The following EDIL3 variants were observed in gnomAD, a reference collection of about 807,000 sequenced individuals.
EDIL3 encodes EGF like and discoidin domains 3, also known as EGF-like repeat and discoidin I-like domain-containing protein 3.
A neutral mutation model predicts 67.4 loss-of-function variants in EDIL3; 37 were observed. That is an observed-to-expected ratio of 0.55 (90% CI 0.42 to 0.72). EDIL3 has a LOEUF of 0.72. EDIL3 is among the 30% of genes least tolerant of loss of function. EDIL3 has a pLI of 0.00. For synonymous variants in EDIL3, 195 were observed against 196.3 expected, an observed-to-expected ratio of 0.99 and a Z score of 0.05; for missense variants, 527 against 586.3, an observed-to-expected ratio of 0.90 and a Z score of 1.04.
intron 3 of EDIL3, among the ~76,000 whole-genome samples, chr5:84,224,151 A>C (rs1744402689): frequency 6.6e-6 from 1 of 151,544 alleles, no homozygotes; most frequent in South Asian, 2.1e-4. Flanking sequence ...CATTTTAACC[A>C]GCGACTTATT....
intron 9 of EDIL3, among the ~76,000 whole-genome samples, chr5:83,964,592 G>A (rs2301069): frequency 0.27 from 40,354 of 151,750 alleles, 5,470 homozygotes; most frequent in East Asian, 0.34. Context: ...ATAGAATAAG[G>A]CCATATTTAG....
intron 3 of EDIL3, among the ~76,000 whole-genome samples, chr5:84,206,321 C>G (rs1474419462): frequency 2.0e-5 from 3 of 151,946 alleles, no homozygotes; most frequent in Admixed American, 6.6e-5. Context: ...CTGAGGAGAG[C>G]TTTACTTCCA....
At chr5:84,202,973 C>T (rs189758105) in intron 3 of EDIL3, among the ~76,000 whole-genome samples, 72 of 152,164 alleles carry the variant, frequency 4.7e-4, no homozygotes, top group Middle Eastern at 3.4e-3. Flanking sequence ...ATAGAGGAAA[C>T]AGGCAAGGAG....
intron 1 of EDIL3, among the ~76,000 whole-genome samples, chr5:84,313,550 A>G (rs1033016329): frequency 6.6e-6 from 1 of 152,096 alleles, no homozygotes; most frequent in African/African-American, 2.4e-5. Context: ...CTGATATTCC[A>G]CTTCTTTTCC....
rs183836433 is a variant in EDIL3 at position 84,207,096 on chromosome 5, G to A, written c.226+22759C>T. ...AAGTGTATTCAATTAGGAAAAGAGG[G>A]AGTCAAATTGTCCCTGTTTGCAGAT... On this transcript the variant is annotated intron_variant, in intron 3 of 10. Coordinates refer to ENST00000296591, the MANE Select transcript of EDIL3 (RefSeq NM_005711.5). 9.2e-5 allele frequency among the ~76,000 whole-genome samples: 14 copies of A among 152,218 alleles called. No homozygotes were observed. The East Asian group carries it at 2.3e-3, about 25-fold the overall frequency.
chr5:84,354,992 T>C (rs1282253719), intron 1 of EDIL3, among the ~76,000 whole-genome samples: 2 of 152,172 alleles, frequency 1.3e-5, no homozygotes, highest in Non-Finnish European at 2.9e-5. Context: ...AGTATCTTTG[T>C]GGTGTTCTCT....
intron 6 of EDIL3, 39 bp downstream of exon 6, chr5:84,106,610 T>C (rs780738223): frequency 1.8e-4 from 266 of 1,509,974 alleles, no homozygotes; most frequent in Non-Finnish European, 2.3e-4. Flanking sequence ...CATTTAAAAA[T>C]GACTTATAAC....
chr5:84,347,335 A>C (rs1288217670), intron 1 of EDIL3, among the ~76,000 whole-genome samples: 1 of 152,240 alleles, frequency 6.6e-6, no homozygotes, highest in Non-Finnish European at 1.5e-5. Flanking sequence ...ATGAAGGAGA[A>C]GACAAAAACT....
intron 4 of EDIL3, among the ~76,000 whole-genome samples, chr5:84,161,319 G>A (rs1748610304): frequency 6.6e-6 from 1 of 151,880 alleles, no homozygotes; most frequent in Non-Finnish European, 1.5e-5. Flanking sequence ...GCTTCAAGAC[G>A]AATGCCTTTT....
intron 9 of EDIL3, among the ~76,000 whole-genome samples, chr5:83,978,436 T>G (rs1744910709): frequency 6.6e-6 from 1 of 151,868 alleles, no homozygotes; most frequent in Admixed American, 6.6e-5. Context: ...ACTCTAAAAG[T>G]CAGCACATTT....
At chr5:84,291,748 A>C (rs116772544) in intron 1 of EDIL3, among the ~76,000 whole-genome samples, 3,235 of 144,890 alleles carry the variant, frequency 0.022, 72 homozygotes, top group African/African-American at 0.053. Flanking sequence ...CTATATAGAT[A>C]TATCTATATA....
chr5:83,977,996 TA>T (rs1486475468), intron 9 of EDIL3, among the ~76,000 whole-genome samples: 2 of 151,826 alleles, frequency 1.3e-5, no homozygotes, highest in Non-Finnish European at 1.5e-5. Flanking sequence ...CCTCTTGTCT[TA>T]AACGCTATAC....
rs148087291 is a variant in EDIL3 at position 84,272,684 on chromosome 5, C to T, written c.68-18472G>A. ...TGGTATAATTCAACACCAGGCTTAC[C>T]GAGCTATCTGATATTCTATGCTAGG... On this transcript the variant is annotated intron_variant, in intron 1 of 10. Coordinates refer to ENST00000296591, the MANE Select transcript of EDIL3 (RefSeq NM_005711.5). Among the ~76,000 whole-genome samples the T allele has an allele frequency of 8.1e-4, 123 of 152,190 alleles. No individual in the cohort carries two copies. In the East Asian group the frequency reaches 0.015, roughly 19 times the overall value.
chr5:84,030,413 G>T (rs1474363472), intron 9 of EDIL3, among the ~76,000 whole-genome samples: 1 of 152,072 alleles, frequency 6.6e-6, no homozygotes, highest in African/African-American at 2.4e-5. Context: ...GTTAAATGGT[G>T]TTCCTTAAGG....
chr5:84,269,512 T>A (rs1170528889), intron 1 of EDIL3, among the ~76,000 whole-genome samples: 1 of 152,174 alleles, frequency 6.6e-6, no homozygotes, highest in Non-Finnish European at 1.5e-5. Flanking sequence ...GTTGGTGGCA[T>A]TGCAGCTGGG....
intron 9 of EDIL3, among the ~76,000 whole-genome samples, chr5:84,018,104 A>C (rs1745641984): frequency 6.6e-6 from 1 of 152,198 alleles, no homozygotes; most frequent in Non-Finnish European, 1.5e-5. Flanking sequence ...AAGTCTGGCT[A>C]CACAAATCTG....
At chr5:84,036,896 T>C (rs1746031604) in intron 9 of EDIL3, among the ~76,000 whole-genome samples, 1 of 152,196 alleles carries the variant, frequency 6.6e-6, no homozygotes, top group South Asian at 2.1e-4. Context: ...TCAGCTCCTC[T>C]GAGTGAGCTC....
chr5:84,106,761 T>C lies in EDIL3; in HGVS notation c.539A>G (p.His180Arg), dbSNP rs1304766951. 1 of 1,613,450 alleles carries C rather than the reference T, an allele frequency of 6.2e-7. No individual in the cohort carries two copies. The highest frequency in any genetic ancestry group is 8.5e-7 in the Non-Finnish European group (1 of 1,179,624). Residue 180 changes from histidine (H) to arginine (R), a missense_variant, in exon 6 of 11, where the codon CAC becomes CGC. Physicochemically the swap from His to Arg is conservative, Grantham distance 29. Coordinates refer to ENST00000296591, the MANE Select transcript of EDIL3 (RefSeq NM_005711.5). Reference protein sequence around the residue: ...SNQQITASSTHRALFGLQKWY... With the variant: ...SNQQITASSTRRALFGLQKWY... ...TTTTTGGAGTCCAAAAAGAGCTCGGTGAGTAGAGGAAGCTGTGATTTGCTG... is the reference window on the plus strand; with the variant it reads ...TTTTTGGAGTCCAAAAAGAGCTCGGCGAGTAGAGGAAGCTGTGATTTGCTG...
At chr5:84,370,338 G>C (rs1747818562) in intron 1 of EDIL3, among the ~76,000 whole-genome samples, 1 of 152,168 alleles carries the variant, frequency 6.6e-6, no homozygotes, top group Admixed American at 6.5e-5. Context: ...CAGTTCCCAG[G>C]TGTTGTCTCT....
Sources: allele counts gnomAD v4.1 joint callset (sites outside exome capture counted in the v4.1 genomes callset), GRCh38; gene constraint gnomAD v4.1.1; transcripts MANE v1.5; gene names NCBI Gene and HGNC (gene_info 2026-07-23, HGNC 2026-07-21).